CDH22: variants seen among roughly 807,000 people sequenced by gnomAD.
CDH22 encodes cadherin-22.
Under a neutral mutation model 58.4 loss-of-function variants are expected in CDH22, and 30 were observed. The ratio of observed to expected loss-of-function variants is 0.51; its 90% CI spans 0.38 to 0.70. The LOEUF (loss-of-function observed/expected upper bound fraction) is 0.70, where lower values mean the gene tolerates loss of function less well. Ranked by LOEUF, CDH22 falls within the 30% of genes least tolerant of loss-of-function variation. CDH22 has a pLI of 0.00. For missense variants in CDH22, 1,014 were observed against 1,233.9 expected, an observed-to-expected ratio of 0.82 and a Z score of 2.67; for synonymous variants, 513 against 558.2, an observed-to-expected ratio of 0.92 and a Z score of 1.14.
intron 10 of CDH22, among the ~76,000 whole-genome samples, chr20:46,181,284 C>G (rs2085782209): frequency 6.6e-6 from 1 of 152,016 alleles, no homozygotes; most frequent in South Asian, 2.1e-4. Flanking sequence ...ATAGGAAGAG[C>G]ACATAACAGA....
At chr20:46,214,454 C>T (rs959854007) in intron 5 of CDH22, among the ~76,000 whole-genome samples, 1 of 152,154 alleles carries the variant, frequency 6.6e-6, no homozygotes, top group African/African-American at 2.4e-5. Context: ...GATGAACATG[C>T]CACTCCCCTG....
At chr20:46,211,539 C>A (rs2086043468) in intron 6 of CDH22, among the ~76,000 whole-genome samples, 1 of 152,168 alleles carries the variant, frequency 6.6e-6, no homozygotes, top group South Asian at 2.1e-4. Context: ...TGAGCCATCA[C>A]CGACTCCGCA....
chr20:46,260,907 C>A (rs559559981), intron 1 of CDH22, among the ~76,000 whole-genome samples: 1 of 152,176 alleles, frequency 6.6e-6, no homozygotes, highest in Non-Finnish European at 1.5e-5. Context: ...AGAAGTGGGG[C>A]TGCACAGAGC....
intron 1 of CDH22, among the ~76,000 whole-genome samples, chr20:46,271,863 C>A (rs1191308212): frequency 6.6e-6 from 1 of 152,202 alleles, no homozygotes; most frequent in Non-Finnish European, 1.5e-5. Flanking sequence ...GACTCCCAAG[C>A]TTAGTATCCT....
In CDH22 at chr20:46,227,610, C is replaced by T. The variant is rs1209455944; in HGVS notation, c.568G>A (p.Val190Met). 3 of 1,612,690 alleles carry T rather than the reference C, an allele frequency of 1.9e-6. No individual in the cohort carries two copies. The highest frequency in any genetic ancestry group is 4.5e-5 in the East Asian group (2 of 44,836). The change falls in exon 4 of 12, where the codon GTG becomes ATG. Residue 190 changes from valine (V) to methionine (M), a missense_variant. Val to Met is a conservative substitution (Grantham distance 21). Coordinates refer to ENST00000537909, the MANE Select transcript of CDH22 (RefSeq NM_021248.3). ...LSPTGTSVMQ[V>M]MASDADDPTY... ...GGGTCATCCGCATCCGAGGCCATCA[C>T]CTGCATCACCGACGTGCCTGGGCCC...
At chr20:46,275,657 T>A (rs1415645613) in intron 1 of CDH22, among the ~76,000 whole-genome samples, 1 of 151,968 alleles carries the variant, frequency 6.6e-6, no homozygotes, top group Non-Finnish European at 1.5e-5. Context: ...TGTTGAGTGG[T>A]TGAATTAATA....
intron 1 of CDH22, among the ~76,000 whole-genome samples, chr20:46,264,416 A>T (rs2086448363): frequency 6.6e-6 from 1 of 152,190 alleles, no homozygotes; most frequent in African/African-American, 2.4e-5. Context: ...CGCTTTTACT[A>T]TGTGCCAGGC....
At position 46,227,415 on chromosome 20, in the gene CDH22, A is replaced by T. The variant is rs561390670; in HGVS notation, c.670+93T>A. ...GCTGTCCTCAGAGCTTCTGGGACAG[A>T]AGGCTCAGAGCAGACGTCTGGGGTG... On this transcript the variant is annotated intron_variant, in intron 4 of 11. Coordinates refer to ENST00000537909, the MANE Select transcript of CDH22 (RefSeq NM_021248.3). The T allele has an allele frequency of 2.0e-5, 24 of 1,228,978 alleles. No homozygotes were observed. The East Asian group carries it at 5.6e-4, about 29-fold the overall frequency. The allele number at this position is 1,228,978 out of a possible 1,614,324, so 76.1% of individuals were successfully genotyped here.
In CDH22 at chr20:46,300,197, G is replaced by A. The variant is rs972794098; in HGVS notation, c.-400+8058C>T. Among the ~76,000 whole-genome samples the A allele has an allele frequency of 9.2e-5, 14 of 152,038 alleles. No homozygotes were observed. The highest frequency in any genetic ancestry group is 2.4e-4 in the African/African-American group (10 of 41,376). ...CACAGCCACTTGGATCCTAGAAGAC[G>A]CAGGCCTTGGCAACCTCCTGGCCTG... On this transcript the variant is annotated intron_variant, in intron 1 of 11. Coordinates refer to ENST00000537909, the MANE Select transcript of CDH22 (RefSeq NM_021248.3). The surrounding 1 kb of genome is among the most constrained non-coding windows in gnomAD (Gnocchi z 4.4).
chr20:46,274,554 G>A (rs1043272424), intron 1 of CDH22, among the ~76,000 whole-genome samples: 3 of 152,166 alleles, frequency 2.0e-5, no homozygotes, highest in Admixed American at 6.5e-5. Context: ...TGTACTATAC[G>A]ATCCAGCAGT....
chr20:46,178,494 T>C (rs2085758176), intron 10 of CDH22, among the ~76,000 whole-genome samples: 2 of 151,638 alleles, frequency 1.3e-5, no homozygotes, highest in Non-Finnish European at 2.9e-5. Flanking sequence ...TGTTTTCAGC[T>C]ATTCTAAGAT....
rs943144713 is a variant in CDH22, at chr20:46,175,186, C to G, written c.1916-109G>C. ...TCCCACCCAGCAGAGCGGGCCCAGC[C>G]TCAACATTCCTACAGATTTCCTGGA... On this transcript the variant is annotated intron_variant, in intron 11 of 11. Transcript: ENST00000537909. The G allele has an allele frequency of 3.0e-5, 30 of 1,001,904 alleles. No individual in the cohort carries two copies. In the African/African-American group the frequency reaches 3.9e-4, roughly 13 times the overall value. 62.1% of individuals were successfully genotyped at this position (1,001,904 alleles called of 1,614,324 possible). A position where few individuals can be genotyped will look rare whatever the true frequency, so the allele number is the denominator to read the frequency against.
intron 2 of CDH22, among the ~76,000 whole-genome samples, chr20:46,243,516 C>T (rs1408703768): frequency 1.3e-5 from 2 of 152,168 alleles, no homozygotes; most frequent in African/African-American, 4.8e-5. Flanking sequence ...TAATAGATTT[C>T]TCATAAGTGG....
At chr20:46,242,210 A>AT (rs1179636259) in intron 2 of CDH22, among the ~76,000 whole-genome samples, 3 of 151,864 alleles carry the variant, frequency 2.0e-5, no homozygotes, top group African/African-American at 2.4e-5. Context: ...TATTTTACAG[A>AT]TTTTTTTCCC....
At chr20:46,195,439 C>T (rs900197616) in intron 8 of CDH22, among the ~76,000 whole-genome samples, 2 of 152,210 alleles carry the variant, frequency 1.3e-5, no homozygotes, top group African/African-American at 2.4e-5. Context: ...GTGACTTGGC[C>T]TGGGGTGACC....
At chr20:46,257,757 GA>G in intron 1 of CDH22, among the ~76,000 whole-genome samples, 1 of 152,338 alleles carries the variant, frequency 6.6e-6, no homozygotes, top group South Asian at 2.1e-4. Flanking sequence ...TTGGGAATTT[GA>G]GTGGCATGTA....
intron 1 of CDH22, among the ~76,000 whole-genome samples, chr20:46,254,859 T>C (rs141180569): frequency 2.3e-4 from 35 of 151,920 alleles, no homozygotes; most frequent in African/African-American, 8.5e-4. Context: ...CATGCAAAGG[T>C]CCAGAGGTTG....
At chr20:46,190,177 G>T (rs1368748249) in intron 8 of CDH22, among the ~76,000 whole-genome samples, 1 of 152,210 alleles carries the variant, frequency 6.6e-6, no homozygotes, top group Non-Finnish European at 1.5e-5. Context: ...CTTGATCTCT[G>T]TGCAGGATTT....
intron 8 of CDH22, among the ~76,000 whole-genome samples, chr20:46,194,281 G>A (rs903107093): frequency 5.3e-5 from 8 of 152,282 alleles, no homozygotes; most frequent in Admixed American, 1.3e-4. Flanking sequence ...CACTGGCTGC[G>A]GGTACATGGC....
Sources: gnomAD v4.1 joint callset for allele counts (sites outside exome capture counted in the v4.1 genomes callset) on GRCh38, gnomAD v4.1.1 for gene constraint, Gnocchi (gnomAD v3.1) non-coding constraint, MANE v1.5 for transcripts, NCBI Gene and HGNC (gene_info 2026-07-23, HGNC 2026-07-21) for gene names.